Variants in ROBO1 observed in about 807,000 individuals in gnomAD.
The protein encoded by ROBO1 is roundabout guidance receptor 1.
A neutral mutation model predicts 195.9 loss-of-function variants in ROBO1; 149 were observed. That is an observed-to-expected ratio of 0.76 (90% CI 0.67 to 0.87). The LOEUF is 0.87. Ranked by LOEUF, ROBO1 falls within the 40% of genes least tolerant of loss-of-function variation. ROBO1 has a pLI of 0.00. For synonymous variants in ROBO1, 816 were observed against 733.2 expected, an observed-to-expected ratio of 1.11 and a Z score of -1.82; for missense variants, 1,933 against 2,068.3, an observed-to-expected ratio of 0.93 and a Z score of 1.27.
At chr3:79,659,837 T>A (rs1403544268) in intron 1 of ROBO1, among the ~76,000 whole-genome samples, 3 of 151,828 alleles carry the variant, frequency 2.0e-5, no homozygotes, top group Non-Finnish European at 4.4e-5. Flanking sequence ...GGGACAATGG[T>A]GATAGGGATG....
chr3:78,948,741 A>G (rs1022431671), intron 3 of ROBO1, among the ~76,000 whole-genome samples: 5 of 152,218 alleles, frequency 3.3e-5, no homozygotes, highest in African/African-American at 4.8e-5. Context: ...TTTGCAGATG[A>G]CATGATTGTA....
intron 4 of ROBO1, among the ~76,000 whole-genome samples, chr3:78,877,674 A>G (rs1301935614): frequency 1.3e-5 from 2 of 152,190 alleles, no homozygotes; most frequent in Non-Finnish European, 2.9e-5. Context: ...GACCATTCCT[A>G]AAGTATCCCT....
intron 2 of ROBO1, among the ~76,000 whole-genome samples, chr3:79,427,182 T>G (rs941828831): frequency 6.6e-6 from 1 of 152,182 alleles, no homozygotes; most frequent in Admixed American, 6.5e-5. Context: ...TAGAGATCTC[T>G]GATTCGAATA....
chr3:79,756,783 C>T (rs1225057724), intron 1 of ROBO1, among the ~76,000 whole-genome samples: 1 of 152,098 alleles, frequency 6.6e-6, no homozygotes, highest in Non-Finnish European at 1.5e-5. Context: ...AAACTGAAAA[C>T]TCTGTATTCA....
intron 8 of ROBO1, among the ~76,000 whole-genome samples, chr3:78,707,214 G>A (rs1346891509): frequency 6.6e-6 from 1 of 152,146 alleles, no homozygotes; most frequent in East Asian, 1.9e-4. Flanking sequence ...CTAGCAGCAA[G>A]GAGAGACACT....
intron 1 of ROBO1, among the ~76,000 whole-genome samples, chr3:79,656,090 T>C (rs1420722515): frequency 6.6e-6 from 1 of 152,138 alleles, no homozygotes; most frequent in Non-Finnish European, 1.5e-5. Flanking sequence ...AAATATTCTC[T>C]TCCACACCTT....
chr3:78,846,961 C>A (rs2033709669), intron 4 of ROBO1, among the ~76,000 whole-genome samples: 1 of 152,128 alleles, frequency 6.6e-6, no homozygotes, highest in Non-Finnish European at 1.5e-5. Context: ...AGGGGAAACA[C>A]AGCTGCTACA....
intron 29 of ROBO1, among the ~76,000 whole-genome samples, chr3:78,603,878 G>A (rs930784615): frequency 6.6e-6 from 1 of 151,770 alleles, no homozygotes; most frequent in Non-Finnish European, 1.5e-5. Context: ...CTAGACTAAT[G>A]GTCTAGTCTT....
chr3:79,618,402 G>A (rs1944893039), intron 1 of ROBO1, among the ~76,000 whole-genome samples: 1 of 152,090 alleles, frequency 6.6e-6, no homozygotes, highest in African/African-American at 2.4e-5. Context: ...GCCAATTCCT[G>A]CCTGAACTGA....
intron 2 of ROBO1, among the ~76,000 whole-genome samples, chr3:79,313,186 CAAAA>C (rs61113124): frequency 4.4e-5 from 4 of 90,070 alleles, no homozygotes; most frequent in Admixed American, 1.3e-4. Flanking sequence ...GACTCCATCT[CAAAA>C]AAAAAAAAAA....
chr3:79,399,932 A>G (rs2037299898), intron 2 of ROBO1, among the ~76,000 whole-genome samples: 1 of 152,114 alleles, frequency 6.6e-6, no homozygotes, highest in Admixed American at 6.6e-5. Flanking sequence ...AAAGACTGAC[A>G]TTGCTGATTC....
intron 2 of ROBO1, among the ~76,000 whole-genome samples, chr3:79,224,755 T>A (rs1357070262): frequency 1.3e-5 from 2 of 152,244 alleles, no homozygotes; most frequent in Non-Finnish European, 2.9e-5. Flanking sequence ...CATTTAGCAA[T>A]TATTTGTTGA....
At chr3:78,854,513 A>G (rs936378304) in intron 4 of ROBO1, among the ~76,000 whole-genome samples, 1 of 151,564 alleles carries the variant, frequency 6.6e-6, no homozygotes, top group Admixed American at 6.6e-5. Context: ...TGTCAAAAAT[A>G]TATATGCAAA....
chr3:79,417,057 G>A (rs997567954), intron 2 of ROBO1, among the ~76,000 whole-genome samples: 4 of 152,168 alleles, frequency 2.6e-5, no homozygotes, highest in African/African-American at 9.7e-5. Context: ...GAACTCGCAT[G>A]ATGGTTTCAA....
At chr3:78,687,248 T>C (rs2081072389) in intron 9 of ROBO1, among the ~76,000 whole-genome samples, 1 of 152,212 alleles carries the variant, frequency 6.6e-6, no homozygotes, top group Non-Finnish European at 1.5e-5. Flanking sequence ...AAAATGCACT[T>C]AAAATTCTTC....
intron 4 of ROBO1, among the ~76,000 whole-genome samples, chr3:78,874,099 C>T (rs924634260): frequency 2.0e-5 from 3 of 151,740 alleles, no homozygotes; most frequent in African/African-American, 7.3e-5. Context: ...TTCCATCTTG[C>T]ATTTTCAAAA....
intron 2 of ROBO1, among the ~76,000 whole-genome samples, chr3:79,545,180 T>C (rs1018077780): frequency 1.3e-4 from 20 of 152,260 alleles, no homozygotes; most frequent in Admixed American, 7.2e-4. Flanking sequence ...GGAAATTGCA[T>C]GTGGACACAT....
At chr3:79,479,775 T>C (rs2107370814) in intron 2 of ROBO1, among the ~76,000 whole-genome samples, 1 of 152,302 alleles carries the variant, frequency 6.6e-6, no homozygotes, top group South Asian at 2.1e-4. Context: ...GTTATGTCAG[T>C]TACATTATAA....
chr3:79,483,925 GGA>G (rs2107401100), intron 2 of ROBO1, among the ~76,000 whole-genome samples: 1 of 152,250 alleles, frequency 6.6e-6, no homozygotes, highest in African/African-American at 2.4e-5. Context: ...TTTCTCAGTG[GGA>G]GAGTTGAAAA....
Sources: allele counts gnomAD v4.1 joint callset (sites outside exome capture counted in the v4.1 genomes callset), GRCh38; gene constraint gnomAD v4.1.1; transcripts MANE v1.5; gene names NCBI Gene and HGNC (gene_info 2026-07-23, HGNC 2026-07-21).